Variants in SYT14 observed in about 807,000 individuals in gnomAD.
SYT14 encodes synaptotagmin 14, also known as synaptotagmin-14.
SYT14 carries 32 observed loss-of-function variants against 74.2 expected under a neutral mutation model. The ratio of observed to expected loss-of-function variants is 0.43; its 90% CI spans 0.33 to 0.58. The LOEUF (loss-of-function observed/expected upper bound fraction) is 0.58, where lower values mean the gene tolerates loss of function less well. SYT14 is among the 20% of genes least tolerant of loss of function. The pLI is 0.05. For synonymous variants in SYT14, 298 were observed against 337.7 expected, an observed-to-expected ratio of 0.88 and a Z score of 1.29; for missense variants, 791 against 981.8, an observed-to-expected ratio of 0.81 and a Z score of 2.60.
intron 2 of SYT14, among the ~76,000 whole-genome samples, chr1:209,965,104 G>T (rs535498674): frequency 6.6e-6 from 1 of 152,206 alleles, no homozygotes; most frequent in South Asian, 2.1e-4. Context: ...GATTCAAGAG[G>T]TACATGTTCA....
intron 5 of SYT14, among the ~76,000 whole-genome samples, chr1:210,038,672 A>G (rs1434801221): frequency 1.3e-5 from 2 of 152,074 alleles, no homozygotes; most frequent in African/African-American, 4.8e-5. Flanking sequence ...TCTTTCATTT[A>G]TGAAGCTTAT....
chr1:209,962,540 T>C (rs953421536), intron 2 of SYT14, among the ~76,000 whole-genome samples: 1 of 152,124 alleles, frequency 6.6e-6, no homozygotes, highest in Admixed American at 6.5e-5. Context: ...ATATTTTCTT[T>C]GATTCGTTCT....
intron 5 of SYT14, among the ~76,000 whole-genome samples, chr1:210,078,732 A>G (rs1046669169): frequency 2.0e-5 from 3 of 150,466 alleles, no homozygotes; most frequent in African/African-American, 7.5e-5. Context: ...GTCTATGAAT[A>G]ATATGATATA....
rs557930969 is a variant in SYT14 at position 210,089,081 on chromosome 1, C to T, written c.1313-5241C>T. On this transcript the variant is annotated intron_variant, in intron 5 of 9. Transcript: ENST00000637265. Reference sequence around the variant, plus strand: ...CATGTGATGTTCCCATCTCTGTGTCCATGTGTTCTCATTGTTCAATTCCCA... The same window carrying T: ...CATGTGATGTTCCCATCTCTGTGTCTATGTGTTCTCATTGTTCAATTCCCA... Among the ~76,000 whole-genome samples, 24 of 152,146 alleles carry T rather than the reference C, an allele frequency of 1.6e-4. 1 individual carries two copies. In the South Asian group the frequency reaches 4.4e-3, roughly 28 times the overall value.
At chr1:210,053,525 A>G (rs1038873040) in intron 5 of SYT14, among the ~76,000 whole-genome samples, 1 of 152,232 alleles carries the variant, frequency 6.6e-6, no homozygotes, top group Non-Finnish European at 1.5e-5. Flanking sequence ...AAGTCTATGA[A>G]GAATGGATTG....
chr1:210,010,289 CACAT>C (rs894738390), intron 2 of SYT14, among the ~76,000 whole-genome samples: 3 of 152,174 alleles, frequency 2.0e-5, no homozygotes, highest in African/African-American at 7.2e-5. Context: ...TTCCTGAATA[CACAT>C]ACATTCATTC....
intron 2 of SYT14, among the ~76,000 whole-genome samples, chr1:209,973,673 G>A (rs1247884041): frequency 2.0e-5 from 3 of 152,122 alleles, no homozygotes; most frequent in Non-Finnish European, 4.4e-5. Context: ...ATAAACATAC[G>A]TGTGCATGTG....
At chr1:210,144,412 A>G (rs2082986389) in intron 7 of SYT14, among the ~76,000 whole-genome samples, 1 of 152,156 alleles carries the variant, frequency 6.6e-6, no homozygotes, top group Non-Finnish European at 1.5e-5. Context: ...TAACTGAAGT[A>G]TGGAGATGCT....
intron 2 of SYT14, among the ~76,000 whole-genome samples, chr1:209,990,099 C>T (rs1042164111): frequency 3.9e-5 from 6 of 151,930 alleles, no homozygotes; most frequent in African/African-American, 1.5e-4. Context: ...CAAACTGGAC[C>T]CAATATGTAG....
chr1:210,087,725 C>G (rs559017523), intron 5 of SYT14, among the ~76,000 whole-genome samples: 1 of 152,326 alleles, frequency 6.6e-6, no homozygotes, highest in East Asian at 1.9e-4. Context: ...TGACTCCACT[C>G]CCTGGTATGG....
intron 4 of SYT14, chr1:210,017,208 T>C: frequency 1.4e-6 from 1 of 735,090 alleles, no homozygotes; most frequent in Non-Finnish European, 1.9e-6. Context: ...TGTCTATATT[T>C]AAGACTTTCT....
intron 5 of SYT14, among the ~76,000 whole-genome samples, chr1:210,037,362 T>C (rs1271835837): frequency 6.6e-6 from 1 of 152,062 alleles, no homozygotes; most frequent in Non-Finnish European, 1.5e-5. Context: ...ATTTTGATTA[T>C]CTTTTCAAAG....
chr1:209,982,060 T>C (rs892026589), intron 2 of SYT14, among the ~76,000 whole-genome samples: 2 of 152,124 alleles, frequency 1.3e-5, no homozygotes, highest in African/African-American at 4.8e-5. Context: ...CCCTCAGTTA[T>C]GTTTTCCAGA....
chr1:210,075,425 C>G (rs1406559492), intron 5 of SYT14, among the ~76,000 whole-genome samples: 2 of 151,212 alleles, frequency 1.3e-5, no homozygotes, highest in African/African-American at 4.9e-5. Context: ...ACCTCCACCT[C>G]CTGGGTTCAA....
chr1:210,071,330 C>T (rs2081390615), intron 5 of SYT14, among the ~76,000 whole-genome samples: 1 of 76,888 alleles, frequency 1.3e-5, no homozygotes, highest in Non-Finnish European at 3.7e-5. Flanking sequence ...CTCTAAGTCA[C>T]AAGTCCTTAT....
intron 5 of SYT14, among the ~76,000 whole-genome samples, chr1:210,062,539 G>A (rs1482251309): frequency 2.0e-5 from 3 of 151,382 alleles, no homozygotes; most frequent in Non-Finnish European, 3.0e-5. Flanking sequence ...TCAATAAATA[G>A]GCAGGAAGAT....
At position 210,129,487 on chromosome 1, in the gene SYT14, T is replaced by C. The variant is rs371215753; in HGVS notation, c.2035-26234T>C. On this transcript the variant is annotated intron_variant, in intron 7 of 9. Transcript: ENST00000637265. ...TTGGTCGGTCACCTTCCAAATCACA[T>C]TAGATGAAAGTTAGAAAGGAGTTAA... is the stretch of plus-strand genomic sequence containing the variant. Among the ~76,000 whole-genome samples the C allele has an allele frequency of 2.0e-5, 3 of 152,208 alleles. 1 individual carries two copies. The highest frequency in any genetic ancestry group is 7.2e-5 in the African/African-American group (3 of 41,522).
chr1:210,141,449 G>T (rs1045584208), intron 7 of SYT14, among the ~76,000 whole-genome samples: 1 of 152,046 alleles, frequency 6.6e-6, no homozygotes, highest in Non-Finnish European at 1.5e-5. Flanking sequence ...GTGCATTTTA[G>T]GATTTACTGC....
chr1:210,000,912 G>T (rs187889411), intron 2 of SYT14, among the ~76,000 whole-genome samples: 1 of 151,884 alleles, frequency 6.6e-6, no homozygotes, highest in East Asian at 1.9e-4. Context: ...TTGTTTCTGC[G>T]TGCCTCATAG....
Sources: gnomAD v4.1 joint callset for allele counts (sites outside exome capture counted in the v4.1 genomes callset) on GRCh38, gnomAD v4.1.1 for gene constraint, MANE v1.5 for transcripts, NCBI Gene and HGNC (gene_info 2026-07-23, HGNC 2026-07-21) for gene names.